SLC44A5: variants seen among roughly 807,000 people sequenced by gnomAD.
SLC44A5 encodes the protein solute carrier family 44 member 5.
A neutral mutation model predicts 101.8 loss-of-function variants in SLC44A5; 57 were observed. That is an observed-to-expected ratio of 0.56 (90% CI 0.45 to 0.70). The LOEUF is 0.70. SLC44A5 is among the 30% of genes least tolerant of loss of function. The pLI is 0.00. For missense variants in SLC44A5, 737 were observed against 853.1 expected, an observed-to-expected ratio of 0.86 and a Z score of 1.70; for synonymous variants, 281 against 290.9, an observed-to-expected ratio of 0.97 and a Z score of 0.35.
At chr1:75,699,365 A>G in the SLC44A5 span, among the ~76,000 whole-genome samples, 1 of 152,306 alleles carries the variant, frequency 6.6e-6, no homozygotes, top group Non-Finnish European at 1.5e-5. Context: ...CGTAAAGAAA[A>G]GAATTTTCAA....
chr1:75,676,472 T>C, the SLC44A5 span, among the ~76,000 whole-genome samples: 4 of 152,206 alleles, frequency 2.6e-5, no homozygotes, highest in Non-Finnish European at 5.9e-5. Context: ...AAACACTGCA[T>C]GTTCCCACTT....
chr1:75,249,163 T>A (rs1349147241), intron 7 of SLC44A5, among the ~76,000 whole-genome samples: 1 of 152,058 alleles, frequency 6.6e-6, no homozygotes, highest in African/African-American at 2.4e-5. Context: ...AAGTGGGCTT[T>A]AGTCTCAGCA....
intron 2 of SLC44A5, among the ~76,000 whole-genome samples, chr1:75,499,987 C>T: frequency 6.6e-6 from 1 of 152,272 alleles, no homozygotes; most frequent in East Asian, 1.9e-4. Flanking sequence ...CTCCCATCCA[C>T]TATCTGGCTG....
intron 2 of SLC44A5, among the ~76,000 whole-genome samples, chr1:75,527,857 ACTTTTAGT>A (rs1342182767): frequency 6.6e-6 from 1 of 152,204 alleles, no homozygotes; most frequent in African/African-American, 2.4e-5. Flanking sequence ...CGATTGCAGC[ACTTTTAGT>A]CTTACATGAA....
intron 2 of SLC44A5, among the ~76,000 whole-genome samples, chr1:75,510,243 C>T (rs538960529): frequency 1.6e-4 from 24 of 152,214 alleles, no homozygotes; most frequent in African/African-American, 4.6e-4. Context: ...GGACATCTAA[C>T]GCACACCAGA....
intron 4 of SLC44A5, among the ~76,000 whole-genome samples, chr1:75,329,263 A>G (rs144670408): frequency 1.1e-3 from 164 of 152,134 alleles, no homozygotes; most frequent in African/African-American, 3.6e-3. Flanking sequence ...CCTTCTTTTC[A>G]CAGACGCTGA....
At chr1:75,609,998 T>C (rs1160224221) in intron 1 of SLC44A5, among the ~76,000 whole-genome samples, 1 of 152,034 alleles carries the variant, frequency 6.6e-6, no homozygotes, top group Non-Finnish European at 1.5e-5. Flanking sequence ...GCTACAGTCA[T>C]CTGAAGGCTT....
the SLC44A5 span, among the ~76,000 whole-genome samples, chr1:75,716,428 G>A: frequency 0.26 from 40,096 of 151,864 alleles, 6,560 homozygotes; most frequent in East Asian, 0.68. Flanking sequence ...CCATGATCAC[G>A]CCGCTGCACT....
intron 3 of SLC44A5, among the ~76,000 whole-genome samples, chr1:75,351,846 C>CAAAAAAAA (rs71071942): frequency 1.1e-4 from 3 of 28,412 alleles, no homozygotes; most frequent in African/African-American, 1.3e-4. Flanking sequence ...CACACTTTAC[C>CAAAAAAAA]AAAAAAAAAA....
intron 1 of SLC44A5, among the ~76,000 whole-genome samples, chr1:75,561,251 A>G (rs1672503871): frequency 6.6e-6 from 1 of 152,182 alleles, no homozygotes; most frequent in African/African-American, 2.4e-5. Context: ...ATACTTTCAG[A>G]GCTTATTATT....
intron 2 of SLC44A5, among the ~76,000 whole-genome samples, chr1:75,410,186 G>A (rs1006268245): frequency 3.3e-5 from 5 of 152,012 alleles, no homozygotes; most frequent in Non-Finnish European, 7.4e-5. Context: ...CATTTTAAAA[G>A]ATGTCCCAAA....
At position 75,238,535 on chromosome 1, in the gene SLC44A5, C is replaced by T; in HGVS notation, c.634G>A (p.Val212Ile). The T allele has an allele frequency of 2.5e-6, 4 of 1,602,934 alleles. No individual in the cohort carries two copies. Among genetic ancestry groups the T allele is most frequent in the Non-Finnish European group, 3.4e-6 (4 of 1,175,218 alleles). ...TACTTTGCAGCAATCCCGAGTTCTA[C>T]AACACTTCTTGTCCCTCCATTTCCA... ...QDGNGGTRSV[V>I]ELGIAANGIN... The change falls in exon 10 of 24, where the codon GTA (valine) becomes ATA (isoleucine). Residue 212 changes from valine to isoleucine, a missense_variant. Around this residue, in one of 3 missense-constraint regions of SLC44A5, gnomAD observed 665 missense variants for 764.4 expected, o/e 0.87. Transcript: ENST00000370859.
At chr1:75,491,537 A>C (rs1668424624) in intron 2 of SLC44A5, among the ~76,000 whole-genome samples, 1 of 152,184 alleles carries the variant, frequency 6.6e-6, no homozygotes, top group Non-Finnish European at 1.5e-5. Context: ...TAAAATCACA[A>C]AGGTGAGATA....
chr1:75,531,138 C>A (rs1165061934), intron 2 of SLC44A5, among the ~76,000 whole-genome samples: 1 of 152,158 alleles, frequency 6.6e-6, no homozygotes, highest in East Asian at 1.9e-4. Context: ...GAAGCAGCTA[C>A]ACAACACAGC....
intron 6 of SLC44A5, among the ~76,000 whole-genome samples, chr1:75,272,621 C>A (rs899029625): frequency 6.6e-6 from 1 of 152,030 alleles, no homozygotes; most frequent in Non-Finnish European, 1.5e-5. Flanking sequence ...TGCCAGTTTT[C>A]CTAGCACCAT....
At chr1:75,331,777 G>C (rs1404199657) in intron 4 of SLC44A5, among the ~76,000 whole-genome samples, 3 of 152,062 alleles carry the variant, frequency 2.0e-5, no homozygotes, top group Non-Finnish European at 4.4e-5. Flanking sequence ...CCTGCACTAA[G>C]TGTATTCCTG....
chr1:75,646,672 T>C, the SLC44A5 span, among the ~76,000 whole-genome samples: 1 of 152,080 alleles, frequency 6.6e-6, no homozygotes, highest in East Asian at 1.9e-4. Flanking sequence ...GATCTGATGG[T>C]TTTATAAGGG....
intron 3 of SLC44A5, among the ~76,000 whole-genome samples, chr1:75,350,893 C>CAAAAAAAAAAAAA (rs11292382): frequency 3.8e-5 from 3 of 79,900 alleles, no homozygotes; most frequent in Non-Finnish European, 5.5e-5. Flanking sequence ...GACTCCATCT[C>CAAAAAAAAAAAAA]AAAAAAAAAA....
chr1:75,571,939 C>A (rs1673098075), intron 1 of SLC44A5, among the ~76,000 whole-genome samples: 1 of 152,098 alleles, frequency 6.6e-6, no homozygotes, highest in African/African-American at 2.4e-5. Flanking sequence ...AGTCTGATAT[C>A]AGATTTCTTA....
Sources: allele counts gnomAD v4.1 joint callset (sites outside exome capture counted in the v4.1 genomes callset), GRCh38; gene constraint gnomAD v4.1.1; regional missense constraint gnomAD v4.1.1; transcripts MANE v1.5; gene names NCBI Gene and HGNC (gene_info 2026-07-23, HGNC 2026-07-21).